The following KDM4C variants were observed in gnomAD, a reference collection of about 807,000 sequenced individuals.
The protein encoded by KDM4C is lysine demethylase 4C.
KDM4C carries 81 observed loss-of-function variants against 129.3 expected under a neutral mutation model. That is an observed-to-expected ratio of 0.63 (90% CI 0.52 to 0.75). The LOEUF (loss-of-function observed/expected upper bound fraction) is 0.75. KDM4C is among the 30% of genes least tolerant of loss of function. The pLI, the probability that KDM4C is intolerant of heterozygous loss-of-function variation, is 0.00. For synonymous variants in KDM4C, 573 were observed against 456.1 expected, an observed-to-expected ratio of 1.26 and a Z score of -3.26; for missense variants, 1,457 against 1,304.0, an observed-to-expected ratio of 1.12 and a Z score of -1.81.
intron 8 of KDM4C, among the ~76,000 whole-genome samples, chr9:6,923,590 T>C (rs561823820): frequency 2.6e-3 from 391 of 152,328 alleles, no homozygotes; most frequent in African/African-American, 9.1e-3. Context: ...CGAGGGATCA[T>C]CAAGAGACAG....
At chr9:6,902,879 G>A (rs1241235384) in intron 8 of KDM4C, 2 of 152,128 alleles carry the variant, frequency 1.3e-5, no homozygotes, top group Non-Finnish European at 2.9e-5. Flanking sequence ...ACTAACAGTG[G>A]GTTTTTGTGG....
chr9:7,099,349 A>G (rs1042375301), intron 17 of KDM4C, among the ~76,000 whole-genome samples: 1 of 152,238 alleles, frequency 6.6e-6, no homozygotes, highest in Non-Finnish European at 1.5e-5. Flanking sequence ...ATGCTCAAGG[A>G]AATCTAATGA....
At position 7,055,391 on chromosome 9, in the gene KDM4C, G is replaced by T. The variant is rs79369983; in HGVS notation, c.2424+6191G>T. Among the ~76,000 whole-genome samples, 934 of 152,292 alleles carry T rather than the reference G, an allele frequency of 6.1e-3. 72 individuals are homozygous for T. The East Asian group carries it at 0.16, about 25-fold the overall frequency. ...GGGCATTCGATGACCTCTGATTTGTGTTTGACAAGTGAACAAAGCCCAGGC... is the reference window on the plus strand; with the variant it reads ...GGGCATTCGATGACCTCTGATTTGTTTTTGACAAGTGAACAAAGCCCAGGC... On this transcript the variant is annotated intron_variant, in intron 17 of 21. Transcript: ENST00000381309.
intron 5 of KDM4C, among the ~76,000 whole-genome samples, chr9:6,851,052 G>A (rs1838757407): frequency 1.3e-5 from 2 of 152,222 alleles, no homozygotes; most frequent in South Asian, 2.1e-4. Context: ...ACCACGCCTG[G>A]CCAAATGAAA....
chr9:6,763,120 C>CA (rs140130399), intron 1 of KDM4C, among the ~76,000 whole-genome samples: 9,948 of 152,210 alleles, frequency 0.065, 482 homozygotes, highest in Non-Finnish European at 0.1. Flanking sequence ...CCCATACTAA[C>CA]AGTCAGAATA....
intron 4 of KDM4C, among the ~76,000 whole-genome samples, chr9:6,849,232 G>A (rs1838393539): frequency 6.6e-6 from 1 of 152,190 alleles, no homozygotes; most frequent in South Asian, 2.1e-4. Flanking sequence ...GAGTGGGTCT[G>A]TAACTTTCAT....
chr9:6,873,452 A>G (rs1462184003), intron 5 of KDM4C, among the ~76,000 whole-genome samples: 5 of 152,344 alleles, frequency 3.3e-5, no homozygotes, highest in African/African-American at 9.6e-5. Context: ...CTAGATTTTC[A>G]TAATTTGCTG....
intron 19 of KDM4C, among the ~76,000 whole-genome samples, chr9:7,162,201 G>A (rs948000784): frequency 2.0e-5 from 3 of 152,186 alleles, no homozygotes; most frequent in African/African-American, 7.2e-5. Flanking sequence ...TACATAGTTG[G>A]TTTGTTATTT....
intron 17 of KDM4C, among the ~76,000 whole-genome samples, chr9:7,064,853 A>G (rs1832197153): frequency 6.6e-6 from 1 of 152,206 alleles, no homozygotes; most frequent in Non-Finnish European, 1.5e-5. Flanking sequence ...GTCTTCTTCT[A>G]GGTGTCCATT....
intron 4 of KDM4C, among the ~76,000 whole-genome samples, chr9:6,823,468 A>G (rs1294066764): frequency 2.6e-5 from 4 of 152,208 alleles, no homozygotes; most frequent in African/African-American, 9.6e-5. Context: ...TCACTGGAGG[A>G]AGGTAGCCAC....
At chr9:6,766,002 T>G (rs1233840874) in intron 1 of KDM4C, among the ~76,000 whole-genome samples, 1 of 152,194 alleles carries the variant, frequency 6.6e-6, no homozygotes, top group African/African-American at 2.4e-5. Flanking sequence ...TTGGCCAGGC[T>G]GGTCACTAAC....
chr9:7,106,976 A>G lies in KDM4C; in HGVS notation c.2610+3106A>G, dbSNP rs73409583. On this transcript the variant is annotated intron_variant, in intron 18 of 21. Transcript: ENST00000381309. ...TAGGGTAAAACTTCCTAAAGATGGA[A>G]AAAAGTGTGTCACAGGAAGTACACA... Among the ~76,000 whole-genome samples the G allele has an allele frequency of 6.4e-3, 972 of 152,294 alleles. 12 individuals are homozygous for G. The highest frequency in any genetic ancestry group is 0.022 in the African/African-American group (912 of 41,562).
chr9:6,881,420 G>A (rs1844437527), intron 6 of KDM4C, among the ~76,000 whole-genome samples: 1 of 152,166 alleles, frequency 6.6e-6, no homozygotes, highest in Admixed American at 6.5e-5. Context: ...TTAGAGTAGA[G>A]CTTATAAGAT....
At chr9:6,831,449 T>C (rs1162456247) in intron 4 of KDM4C, among the ~76,000 whole-genome samples, 1 of 152,088 alleles carries the variant, frequency 6.6e-6, no homozygotes, top group Non-Finnish European at 1.5e-5. Flanking sequence ...ATCAAGTAAT[T>C]CTCCTGCCAT....
At chr9:7,147,264 G>A (rs1016722551) in intron 19 of KDM4C, among the ~76,000 whole-genome samples, 8 of 152,194 alleles carry the variant, frequency 5.3e-5, no homozygotes, top group African/African-American at 1.9e-4. Flanking sequence ...TCAGTGTGAA[G>A]CGTCCTGGGT....
intron 8 of KDM4C, among the ~76,000 whole-genome samples, chr9:6,898,194 C>T (rs998263479): frequency 6.6e-6 from 1 of 152,182 alleles, no homozygotes; most frequent in Non-Finnish European, 1.5e-5. Context: ...AGATTTTCAG[C>T]TTGACTGTTT....
chr9:6,962,975 T>G (rs558067028), intron 8 of KDM4C, among the ~76,000 whole-genome samples: 1 of 152,324 alleles, frequency 6.6e-6, no homozygotes, highest in South Asian at 2.1e-4. Flanking sequence ...CATGATATAG[T>G]TGGTTTAAAA....
intron 1 of KDM4C, among the ~76,000 whole-genome samples, chr9:6,737,684 A>G (rs1817569722): frequency 6.6e-6 from 1 of 151,500 alleles, no homozygotes; most frequent in Non-Finnish European, 1.5e-5. Context: ...AAAAAAAAAA[A>G]AAGTGAGCAA....
intron 2 of KDM4C, among the ~76,000 whole-genome samples, chr9:6,802,686 G>T (rs1458101580): frequency 6.6e-6 from 1 of 152,144 alleles, no homozygotes; most frequent in African/African-American, 2.4e-5. Flanking sequence ...GTAGTGCAGT[G>T]GTGTGATCTC....
Sources: allele counts gnomAD v4.1 joint callset (sites outside exome capture counted in the v4.1 genomes callset), GRCh38; gene constraint gnomAD v4.1.1; transcripts MANE v1.5; gene names NCBI Gene and HGNC (gene_info 2026-07-23, HGNC 2026-07-21).